The following JMJD1C variants were observed in gnomAD, a reference collection of about 807,000 sequenced individuals.
The protein encoded by JMJD1C is jumonji domain-containing protein 1C.
JMJD1C carries 31 observed loss-of-function variants against 245.3 expected under a neutral mutation model. The observed-to-expected ratio is 0.13, with a 90% confidence interval of 0.09 to 0.17. The LOEUF is 0.17. Among genes scored for constraint, JMJD1C ranks in the 10% least tolerant of loss-of-function variants. The pLI is 1.00. For synonymous variants in JMJD1C, 1,057 were observed against 1,017.4 expected, an observed-to-expected ratio of 1.04 and a Z score of -0.74; for missense variants, 2,691 against 3,000.2, an observed-to-expected ratio of 0.90 and a Z score of 2.41.
intron 2 of JMJD1C, among the ~76,000 whole-genome samples, chr10:63,323,554 T>G (rs1411778393): frequency 6.6e-6 from 1 of 152,110 alleles, no homozygotes; most frequent in Non-Finnish European, 1.5e-5. Context: ...GCACTGGTAT[T>G]TTCTGAAGCA....
intron 3 of JMJD1C, among the ~76,000 whole-genome samples, chr10:63,246,435 AT>A (rs201231877): frequency 0.025 from 3,874 of 152,176 alleles, 151 homozygotes; most frequent in African/African-American, 0.088. Flanking sequence ...GAAAATAAAA[AT>A]AAAAAACAAA....
chr10:63,182,845 AT>A (rs916913954), intron 22 of JMJD1C, among the ~76,000 whole-genome samples: 1 of 151,462 alleles, frequency 6.6e-6, no homozygotes, highest in African/African-American at 2.4e-5. Flanking sequence ...TCTTCAATAA[AT>A]TTTTTTTGTT....
At chr10:63,221,127 A>T (rs893991445) in intron 3 of JMJD1C, among the ~76,000 whole-genome samples, 7 of 149,252 alleles carry the variant, frequency 4.7e-5, no homozygotes, top group African/African-American at 1.7e-4. Flanking sequence ...AAAAAAGTGG[A>T]CAGGCAGATC....
intron 18 of JMJD1C, among the ~76,000 whole-genome samples, chr10:63,187,034 A>C (rs931558469): frequency 6.6e-6 from 1 of 152,236 alleles, no homozygotes; most frequent in African/African-American, 2.4e-5. Context: ...GAAACAAACA[A>C]ACAAAAAATT....
At chr10:63,168,269 C>A in intron 25 of JMJD1C, 135 bp from the exon 26 acceptor site, 1 of 982,606 alleles carries the variant, frequency 1.0e-6, no homozygotes. Flanking sequence ...AGTGTTAAGC[C>A]AAAAGGGACA....
chr10:63,249,793 G>C (rs1444412555), intron 3 of JMJD1C, among the ~76,000 whole-genome samples: 2 of 151,808 alleles, frequency 1.3e-5, no homozygotes, highest in Non-Finnish European at 2.9e-5. Context: ...CCGGGAGGCA[G>C]AGTTCGCACT....
chr10:63,180,838 G>A lies in JMJD1C; in HGVS notation c.7084+2609C>T, dbSNP rs930793018. Reference sequence around the variant, plus strand: ...GGCTGGAGTGCAGTGGCGGGATCTCGGCTCACTGCAAGCTCCGCCTCCCGG... The same window carrying A: ...GGCTGGAGTGCAGTGGCGGGATCTCAGCTCACTGCAAGCTCCGCCTCCCGG... On this transcript the variant is annotated intron_variant, in intron 22 of 25. Coordinates refer to ENST00000399262, the MANE Select transcript of JMJD1C (RefSeq NM_032776.3). Among the ~76,000 whole-genome samples the A allele has an allele frequency of 1.1e-4, 16 of 150,460 alleles. No individual in the cohort carries two copies. In the East Asian group the frequency reaches 2.6e-3, roughly 24 times the overall value.
intron 2 of JMJD1C, among the ~76,000 whole-genome samples, chr10:63,315,926 T>C (rs950523135): frequency 3.3e-5 from 5 of 151,478 alleles, no homozygotes; most frequent in Non-Finnish European, 4.4e-5. Flanking sequence ...ACAAGCACTT[T>C]GGGAGGCTGA....
At chr10:63,182,159 C>A (rs1589073412) in intron 22 of JMJD1C, among the ~76,000 whole-genome samples, 1 of 152,350 alleles carries the variant, frequency 6.6e-6, no homozygotes, top group East Asian at 1.9e-4. Flanking sequence ...AACTGGTGAT[C>A]TATTTCATGG....
chr10:63,477,789 C>G (rs1174981847), intron 1 of JMJD1C, among the ~76,000 whole-genome samples: 1 of 151,982 alleles, frequency 6.6e-6, no homozygotes, highest in Non-Finnish European at 1.5e-5. Flanking sequence ...CTTCTGCTCT[C>G]CAAAGGTCAC....
intron 2 of JMJD1C, among the ~76,000 whole-genome samples, chr10:63,298,468 C>A (rs990266008): frequency 6.6e-6 from 1 of 152,114 alleles, no homozygotes; most frequent in Non-Finnish European, 1.5e-5. Context: ...CCGATCCCTG[C>A]CAATGTTGAC....
intron 2 of JMJD1C, among the ~76,000 whole-genome samples, chr10:63,336,817 T>C (rs934231323): frequency 1.3e-5 from 2 of 152,122 alleles, no homozygotes; most frequent in African/African-American, 4.8e-5. Flanking sequence ...TCCTAATTAG[T>C]GCCCACTGCA....
At chr10:63,298,172 A>G (rs1280356756) in intron 2 of JMJD1C, among the ~76,000 whole-genome samples, 2 of 152,038 alleles carry the variant, frequency 1.3e-5, no homozygotes, top group Admixed American at 1.3e-4. Flanking sequence ...CACACCCCTC[A>G]CCACTCTGCT....
At chr10:63,500,834 CAGAT>C (rs748181712) in intron 1 of JMJD1C, among the ~76,000 whole-genome samples, 55 of 149,760 alleles carry the variant, frequency 3.7e-4, no homozygotes, top group Admixed American at 7.3e-4. Context: ...CATGGATGCA[CAGAT>C]GGATGGATGG....
intron 24 of JMJD1C, among the ~76,000 whole-genome samples, chr10:63,172,939 T>C (rs1047937631): frequency 9.4e-5 from 14 of 148,712 alleles, no homozygotes; most frequent in African/African-American, 2.0e-4. Flanking sequence ...AGTGTGGATA[T>C]GTAAACCAAC....
intron 2 of JMJD1C, among the ~76,000 whole-genome samples, chr10:63,339,680 C>T (rs959694366): frequency 1.3e-5 from 2 of 152,020 alleles, no homozygotes; most frequent in Non-Finnish European, 2.9e-5. Flanking sequence ...AATCCCAGCA[C>T]TTTGGGAGGT....
intron 18 of JMJD1C, among the ~76,000 whole-genome samples, chr10:63,188,459 T>C (rs1423644092): frequency 3.3e-5 from 5 of 152,334 alleles, no homozygotes; most frequent in African/African-American, 1.2e-4. Flanking sequence ...AGCTTACTCA[T>C]TTTTATATAT....
intron 2 of JMJD1C, among the ~76,000 whole-genome samples, chr10:63,325,420 A>T (rs1041483499): frequency 2.6e-5 from 4 of 152,078 alleles, no homozygotes; most frequent in Non-Finnish European, 5.9e-5. Context: ...AGCTCACTGC[A>T]GCCTCAATCT....
At chr10:63,205,994 TTC>T (rs1846561467) in intron 10 of JMJD1C, among the ~76,000 whole-genome samples, 1 of 152,142 alleles carries the variant, frequency 6.6e-6, no homozygotes, top group African/African-American at 2.4e-5. Flanking sequence ...CAGCTGTGCA[TTC>T]TGTCACTGAC....
Sources: gnomAD v4.1 joint callset for allele counts (sites outside exome capture counted in the v4.1 genomes callset) on GRCh38, gnomAD v4.1.1 for gene constraint, MANE v1.5 for transcripts, NCBI Gene and HGNC (gene_info 2026-07-23, HGNC 2026-07-21) for gene names.